CFAP91: variants seen among roughly 807,000 people sequenced by gnomAD.
CFAP91 encodes the protein cilia- and flagella-associated protein 91.
A neutral mutation model predicts 95.9 loss-of-function variants in CFAP91; 85 were observed. The observed-to-expected ratio is 0.89, with a 90% CI of 0.74 to 1.06. The LOEUF (loss-of-function observed/expected upper bound fraction) is 1.06, where lower values mean the gene tolerates loss of function less well. CFAP91 is among the 50% of genes least tolerant of loss of function. CFAP91 has a pLI of 0.00. For missense variants in CFAP91, 962 were observed against 943.4 expected (o/e 1.02, Z -0.26); for synonymous variants, 335 against 327.5 (o/e 1.02, Z -0.25).
In CFAP91 at chr3:119,733,378, G is replaced by C. The variant is rs1280704397; in HGVS notation, c.1216G>C (p.Glu406Gln). 1 of 1,613,996 alleles carries C rather than the reference G, an allele frequency of 6.2e-7. No homozygotes were observed. Among genetic ancestry groups the C allele is most frequent in the Non-Finnish European group, 8.5e-7 (1 of 1,179,946 alleles). ...LNTYEGLVEL[E>Q]SCLPDFVTQP... ...CCTTCCCATAGGATTAGTGGAACTT[G>C]AGTCATGTCTCCCAGATTTTGTGAC... Residue 406 changes from glutamate to glutamine, a missense_variant, in exon 10 of 18, where the codon GAG (glutamate) becomes CAG (glutamine). Physicochemically the swap from Glu to Gln is conservative, Grantham distance 29. Coordinates refer to ENST00000273390, the MANE Select transcript of CFAP91 (RefSeq NM_033364.4).
chr3:119,753,284 C>A (rs1157492433), intron 17 of CFAP91, among the ~76,000 whole-genome samples: 1 of 152,094 alleles, frequency 6.6e-6, no homozygotes, highest in East Asian at 1.9e-4. Context: ...GGTTGGGGCC[C>A]TGGTAAACCT....
At chr3:119,722,619 G>T (rs1348853707) in intron 6 of CFAP91, among the ~76,000 whole-genome samples, 1 of 152,066 alleles carries the variant, frequency 6.6e-6, no homozygotes, top group Non-Finnish European at 1.5e-5. Context: ...CTCCCAAGTA[G>T]CTGGGGCCAC....
At chr3:119,747,637 A>G (rs999242345) in intron 15 of CFAP91, 174 bp from the exon 16 acceptor site, 3 of 629,438 alleles carry the variant, frequency 4.8e-6, no homozygotes, top group Non-Finnish European at 5.3e-6. Flanking sequence ...GTCAAATCCA[A>G]ATTTTTTTGT....
chr3:119,722,668 A>AT lies in CFAP91; in HGVS notation c.683-3496dup, dbSNP rs1247537473. ...CATGCCATGCTAATTAAAAAAATAT[A>AT]TTTTTTTGTGGAGATGGGGTTTCAT... On this transcript the variant is annotated intron_variant, in intron 6 of 17. Coordinates refer to ENST00000273390, the MANE Select transcript of CFAP91 (RefSeq NM_033364.4). Among the ~76,000 whole-genome samples the AT allele has an allele frequency of 8.6e-5, 13 of 151,686 alleles. No individual in the cohort carries two copies. The East Asian group carries it at 1.2e-3, about 14-fold the overall frequency.
intron 8 of CFAP91, among the ~76,000 whole-genome samples, chr3:119,730,979 G>A (rs1453513570): frequency 6.6e-6 from 1 of 152,196 alleles, no homozygotes; most frequent in African/African-American, 2.4e-5. Flanking sequence ...GCTCACACCT[G>A]TAATCCCAGC....
chr3:119,754,439 T>C (rs2054385631), intron 17 of CFAP91, among the ~76,000 whole-genome samples: 1 of 152,198 alleles, frequency 6.6e-6, no homozygotes, highest in African/African-American at 2.4e-5. Flanking sequence ...CTTAGCCTAT[T>C]TATATTGGAA....
In CFAP91 at chr3:119,720,258, G is replaced by A. The variant is rs10049388; in HGVS notation, c.682+4515G>A. On this transcript the variant is annotated intron_variant, in intron 6 of 17. Coordinates refer to ENST00000273390, the MANE Select transcript of CFAP91 (RefSeq NM_033364.4). ...AAAAAAAAAAAAAAATTAGCTGGGCGCGGTGGCGGGCGCCCGTAGTCCCAG... is the reference window on the plus strand; with the variant it reads ...AAAAAAAAAAAAAAATTAGCTGGGCACGGTGGCGGGCGCCCGTAGTCCCAG... 2.0e-5 allele frequency among the ~76,000 whole-genome samples: 3 copies of A among 149,914 alleles called. No individual in the cohort carries two copies. In the East Asian group the frequency reaches 5.9e-4, roughly 29 times the overall value.
rs755007964 is a variant in CFAP91 at position 119,739,254 on chromosome 3, G to T, written c.1462-1G>T. 1 of 1,613,630 alleles carries T rather than the reference G, an allele frequency of 6.2e-7. No individual in the cohort carries two copies. ...GCTTGGTTCTCCCTTTGTTCTTTTA[G>T]GAAGAAGAAGAAATGGAAATGGCTG... On this transcript the variant is annotated splice_acceptor_variant, in intron 11 of 17. Coordinates refer to ENST00000273390, the MANE Select transcript of CFAP91 (RefSeq NM_033364.4). LOFTEE classifies it high-confidence loss of function.
At chr3:119,735,568 AATTGC>A (rs1303621389) in intron 10 of CFAP91, among the ~76,000 whole-genome samples, 13 of 152,326 alleles carry the variant, frequency 8.5e-5, no homozygotes, top group African/African-American at 3.1e-4. Context: ...CCTCTAACTC[AATTGC>A]ATTGTGATCA....
At chr3:119,747,368 C>G (rs551678858) in intron 15 of CFAP91, 105 bp downstream of exon 15, 2 of 1,293,684 alleles carry the variant, frequency 1.5e-6, no homozygotes, top group Non-Finnish European at 2.1e-6. Context: ...AAACAAATAA[C>G]TCATACTTCA....
chr3:119,730,995 G>A lies in CFAP91; in HGVS notation c.1018+618G>A, dbSNP rs186259202. Among the ~76,000 whole-genome samples the A allele has an allele frequency of 1.7e-3, 259 of 152,274 alleles. 1 individual carries two copies. The highest frequency in any genetic ancestry group is 5.6e-3 in the African/African-American group (233 of 41,546). ...CTCACACCTGTAATCCCAGCACTTT[G>A]GGAGGCTGAGGTGGGAGGATTGCTT... On this transcript the variant is annotated intron_variant, in intron 8 of 17. Coordinates refer to ENST00000273390, the MANE Select transcript of CFAP91 (RefSeq NM_033364.4).
At chr3:119,726,422 A>G in intron 7 of CFAP91, 74 bp downstream of exon 7, 2 of 1,368,250 alleles carry the variant, frequency 1.5e-6, no homozygotes, top group East Asian at 2.4e-5. Context: ...TCTGCAAAGC[A>G]TTCTCCCAAA....
chr3:119,736,408 A>AC (rs1475874846), intron 10 of CFAP91, among the ~76,000 whole-genome samples: 3 of 149,558 alleles, frequency 2.0e-5, no homozygotes, highest in Non-Finnish European at 4.4e-5. Context: ...AGTAGCTGGG[A>AC]CTACAGGCGC....
intron 15 of CFAP91, 86 bp from the exon 16 acceptor site, chr3:119,747,725 G>A: frequency 1.9e-6 from 2 of 1,045,052 alleles, no homozygotes; most frequent in Non-Finnish European, 1.4e-6. Context: ...GGTTTGAATG[G>A]AGTTGCTTAC....
At chr3:119,739,215 G>A in intron 11 of CFAP91, 40 bp from the exon 12 acceptor site, 1 of 1,514,304 alleles carries the variant, frequency 6.6e-7, no homozygotes, top group Non-Finnish European at 9.2e-7. Context: ...TTGGACTACT[G>A]CAGTTCTCAA....
intron 17 of CFAP91, 28 bp downstream of exon 17, chr3:119,751,126 A>C (rs1283291252): frequency 3.2e-6 from 5 of 1,573,122 alleles, no homozygotes; most frequent in Admixed American, 1.9e-5. Flanking sequence ...CCAGGAAAAA[A>C]AGCAGAGAAA....
chr3:119,709,753 A>G, intron 4 of CFAP91, 86 bp from the exon 5 acceptor site: 1 of 1,003,782 alleles, frequency 1.0e-6, no homozygotes, highest in Non-Finnish European at 1.6e-6. Flanking sequence ...ACTGATTTTT[A>G]AGGGACAAAT....
intron 3 of CFAP91, 131 bp downstream of exon 3, chr3:119,707,692 C>G (rs1303930717): frequency 1.3e-5 from 7 of 547,554 alleles, no homozygotes; most frequent in Non-Finnish European, 1.9e-5. Context: ...TTCTAAACCT[C>G]TTTTGACCAA....
chr3:119,748,655 G>C (rs1360214883), intron 16 of CFAP91, among the ~76,000 whole-genome samples: 1 of 152,174 alleles, frequency 6.6e-6, no homozygotes, highest in East Asian at 1.9e-4. Context: ...CTCAATCAGG[G>C]ATAAAGAAAT....
Sources: gnomAD v4.1 joint callset for allele counts (sites outside exome capture counted in the v4.1 genomes callset) on GRCh38, gnomAD v4.1.1 for gene constraint, MANE v1.5 for transcripts, NCBI Gene and HGNC (gene_info 2026-07-23, HGNC 2026-07-21) for gene names.